Variants in VTA1 observed in about 807,000 individuals in gnomAD.
VTA1 encodes vacuolar protein sorting-associated protein VTA1 homolog.
In VTA1, 24 loss-of-function variants were observed where a neutral mutation model predicts 36.9. That is an observed-to-expected ratio of 0.65 (90% CI 0.47 to 0.91). The LOEUF is 0.91. Ranked by LOEUF, VTA1 falls within the 40% of genes least tolerant of loss-of-function variation. VTA1 has a pLI of 0.00. For missense variants in VTA1, 393 were observed against 377.2 expected, an observed-to-expected ratio of 1.04 and a Z score of -0.35; for synonymous variants, 142 against 130.2, an observed-to-expected ratio of 1.09 and a Z score of -0.62.
chr6:142,207,838 C>T (rs1394210869), intron 7 of VTA1, among the ~76,000 whole-genome samples: 1 of 152,076 alleles, frequency 6.6e-6, no homozygotes, highest in Admixed American at 6.5e-5. Context: ...AATCCCAGCA[C>T]TTTAGGAGGC....
intron 5 of VTA1, among the ~76,000 whole-genome samples, chr6:142,198,119 A>ATGTGTG (rs71021658): frequency 0.05 from 4,859 of 98,014 alleles, 131 homozygotes; most frequent in East Asian, 0.091. Context: ...ATATATATAT[A>ATGTGTG]TGTGTGTGTG....
intron 6 of VTA1, among the ~76,000 whole-genome samples, chr6:142,203,047 C>T (rs962786936): frequency 2.1e-4 from 32 of 151,952 alleles, no homozygotes; most frequent in African/African-American, 7.5e-4. Flanking sequence ...ACCAGAAGAA[C>T]TTTAGAACTT....
chr6:142,197,930 A>C (rs1775586937), intron 5 of VTA1, among the ~76,000 whole-genome samples: 1 of 151,030 alleles, frequency 6.6e-6, no homozygotes, highest in African/African-American at 2.4e-5. Context: ...AAAAAAAAAA[A>C]ACCAAAAAAA....
At chr6:142,186,136 A>G (rs1048007691) in intron 4 of VTA1, among the ~76,000 whole-genome samples, 4 of 152,170 alleles carry the variant, frequency 2.6e-5, no homozygotes, top group Non-Finnish European at 5.9e-5. Context: ...TTGATCTGGC[A>G]TATGAGGAAT....
rs1776080248 is a variant in VTA1, at chr6:142,220,129, A to C, written c.*1486A>C. ...GACTAAACTGTTCTAAATCCTCACA[A>C]AAAAGTCCCCAAACAACATGCCTCC... On this transcript the variant is annotated 3_prime_UTR_variant, in exon 8 of 8. Coordinates refer to ENST00000367630, the MANE Select transcript of VTA1 (RefSeq NM_016485.5). 1 of 152,196 alleles carries C rather than the reference A, an allele frequency of 6.6e-6. No individual in the cohort carries two copies. The highest frequency in any genetic ancestry group is 2.1e-4 in the South Asian group (1 of 4,828). 9.4% of individuals were successfully genotyped at this position (152,196 alleles called of 1,614,324 possible).
intron 1 of VTA1, among the ~76,000 whole-genome samples, chr6:142,161,231 A>G (rs1009633084): frequency 1.3e-5 from 2 of 152,170 alleles, no homozygotes; most frequent in East Asian, 3.8e-4. Context: ...AAGATCTGCA[A>G]TATATTTAGG....
At chr6:142,212,288 GATAA>G (rs1217521580) in intron 7 of VTA1, among the ~76,000 whole-genome samples, 2 of 152,148 alleles carry the variant, frequency 1.3e-5, no homozygotes, top group Non-Finnish European at 2.9e-5. Context: ...TCGGTGAATG[GATAA>G]ATAAACTGCA....
chr6:142,206,849 C>T (rs978329501), intron 7 of VTA1, among the ~76,000 whole-genome samples: 2 of 152,094 alleles, frequency 1.3e-5, no homozygotes, highest in Non-Finnish European at 2.9e-5. Context: ...AAAAGATACT[C>T]GTTTCAATAA....
In VTA1 at chr6:142,147,267, A is replaced by C; in HGVS notation, c.-21A>C. On this transcript the variant is annotated 5_prime_UTR_variant, in exon 1 of 8. Coordinates refer to ENST00000367630, the MANE Select transcript of VTA1 (RefSeq NM_016485.5). Reference sequence around the variant, plus strand: ...AAGTGCCGGTGGAGCGCGAGTAGGAAGTGGTGAGTTCGGAGTAGAGATGGC... The same window carrying C: ...AAGTGCCGGTGGAGCGCGAGTAGGACGTGGTGAGTTCGGAGTAGAGATGGC... The C allele has an allele frequency of 6.2e-7, 1 of 1,613,544 alleles. No individual in the cohort carries two copies. Among genetic ancestry groups the C allele is most frequent in the Non-Finnish European group, 8.5e-7 (1 of 1,179,538 alleles).
At chr6:142,193,512 A>G (rs758904615) in intron 5 of VTA1, among the ~76,000 whole-genome samples, 15 of 152,128 alleles carry the variant, frequency 9.9e-5, no homozygotes, top group Non-Finnish European at 1.8e-4. Flanking sequence ...TTGGCACTCT[A>G]TCATAAGGAT....
chr6:142,172,874 T>C (rs111951496), intron 4 of VTA1, among the ~76,000 whole-genome samples: 1,693 of 152,112 alleles, frequency 0.011, 36 homozygotes, highest in African/African-American at 0.039. Context: ...CTTCAGTTTG[T>C]ATTTTTGAGT....
In VTA1 at chr6:142,147,312, C is replaced by T. The variant is rs2232299; in HGVS notation, c.25C>T (p.Pro9Ser). 10 of 1,614,086 alleles carry T rather than the reference C, an allele frequency of 6.2e-6. No homozygotes were observed. Among genetic ancestry groups the T allele is most frequent in the African/African-American group, 1.3e-5 (1 of 74,940 alleles). MAALAPLP[P>S]LPAQFKSIQH... ...GATGGCCGCGCTTGCACCGCTGCCC[C>T]CGCTCCCCGCACAGTTCAAGAGCAT... Residue 9 changes from proline (P) to serine (S), a missense_variant, in exon 1 of 8, where the codon CCG becomes TCG. Transcript: ENST00000367630.
chr6:142,166,862 G>A (rs922731981), intron 2 of VTA1, among the ~76,000 whole-genome samples: 3 of 152,150 alleles, frequency 2.0e-5, no homozygotes, highest in Admixed American at 6.5e-5. Flanking sequence ...CTGACCTCAA[G>A]TTATACACTC....
chr6:142,213,181 G>C (rs1775935764), intron 7 of VTA1, among the ~76,000 whole-genome samples: 1 of 152,172 alleles, frequency 6.6e-6, no homozygotes, highest in Admixed American at 6.5e-5. Flanking sequence ...CATTCTTAAT[G>C]GGAGAAATTG....
chr6:142,151,018 A>G (rs225625), intron 1 of VTA1, among the ~76,000 whole-genome samples: 125,495 of 152,020 alleles, frequency 0.83, 52,487 homozygotes, highest in East Asian at 0.97. Context: ...GTCACCTGGA[A>G]TTGTATATGG....
At chr6:142,166,975 T>G (rs1248728613) in intron 2 of VTA1, among the ~76,000 whole-genome samples, 1 of 152,128 alleles carries the variant, frequency 6.6e-6, no homozygotes, top group Non-Finnish European at 1.5e-5. Context: ...ATGATTAATT[T>G]GGGAATCTTA....
chr6:142,181,134 C>CAG (rs1326451796), intron 4 of VTA1, among the ~76,000 whole-genome samples: 1 of 102,280 alleles, frequency 9.8e-6, no homozygotes, highest in Non-Finnish European at 2.2e-5. Flanking sequence ...CACACACAGA[C>CAG]ACACTTTTTT....
intron 1 of VTA1, among the ~76,000 whole-genome samples, chr6:142,159,706 G>C (rs1036680936): frequency 2.1e-4 from 32 of 151,568 alleles, no homozygotes; most frequent in African/African-American, 7.5e-4. Flanking sequence ...GTAGAGACAG[G>C]GTTTCACCGT....
intron 1 of VTA1, 29 bp from the exon 2 acceptor site, chr6:142,166,199 T>G: frequency 1.3e-6 from 2 of 1,485,820 alleles, no homozygotes; most frequent in Non-Finnish European, 1.9e-6. Context: ...AAAATGAAAT[T>G]GTTCAAATTA....
Sources: allele counts gnomAD v4.1 joint callset (sites outside exome capture counted in the v4.1 genomes callset), GRCh38; gene constraint gnomAD v4.1.1; transcripts MANE v1.5; gene names NCBI Gene and HGNC (gene_info 2026-07-23, HGNC 2026-07-21).